The following CSF1 variants were observed in gnomAD, a reference collection of about 807,000 sequenced individuals.
The protein encoded by CSF1 is macrophage colony-stimulating factor 1.
A neutral mutation model predicts 48.9 loss-of-function variants in CSF1; 9 were observed. That is an observed-to-expected ratio of 0.18 (90% confidence interval 0.11 to 0.32). The LOEUF (loss-of-function observed/expected upper bound fraction) is 0.32, where lower values mean the gene tolerates loss of function less well. Among genes scored for constraint, CSF1 ranks in the 10% least tolerant of loss-of-function variants. The probability of loss-of-function intolerance (pLI) is 1.00; values close to 1 mark genes in which losing one functional copy is unlikely to be tolerated. For missense variants in CSF1, 672 were observed against 697.9 expected (o/e 0.96, Z 0.42); for synonymous variants, 305 against 284.1 (o/e 1.07, Z -0.74).
chr1:109,916,317 C>A (rs3093045), intron 3 of CSF1, among the ~76,000 whole-genome samples: 1 of 152,072 alleles, frequency 6.6e-6, no homozygotes, highest in African/African-American at 2.4e-5. Context: ...TAGTTCACTC[C>A]TCATCTTACC....
intron 8 of CSF1, among the ~76,000 whole-genome samples, 195 bp downstream of exon 8, chr1:109,925,397 C>T (rs1647800562): frequency 6.6e-6 from 1 of 152,150 alleles, no homozygotes; most frequent in Non-Finnish European, 1.5e-5. Context: ...CCCCCTGCCC[C>T]TCCATTCCAT....
At position 109,923,772 on chromosome 1, in the gene CSF1, C is replaced by G; in HGVS notation, c.1151C>G (p.Pro384Arg). The G allele has an allele frequency of 6.2e-7, 1 of 1,608,412 alleles. No homozygotes were observed. Among genetic ancestry groups the G allele is most frequent in the Non-Finnish European group, 8.5e-7 (1 of 1,177,194 alleles). Residue 384 changes from proline to arginine, a missense_variant, in exon 6 of 9, where the codon CCC becomes CGC. Coordinates refer to ENST00000329608, the MANE Select transcript of CSF1 (RefSeq NM_000757.6). ...ACTGGCCAGGACTGGAATCACACCC[C>G]CCAGAAGACAGACCATCCATCTGCC... ...RPTGQDWNHT[P>R]QKTDHPSALL...
Position 109,924,804 on chromosome 1 carries a change from C to A in CSF1, c.1598C>A (p.Ser533Tyr). The change falls in exon 7 of 9, where the codon TCT becomes TAT. Residue 533 changes from serine to tyrosine, a missense_variant. By Grantham distance (144) the Ser-to-Tyr change is moderately radical. Coordinates refer to ENST00000329608, the MANE Select transcript of CSF1 (RefSeq NM_000757.6). ...RSHQEPQRADSPLEQPEGSPL... is the reference protein window; with the variant it reads ...RSHQEPQRADYPLEQPEGSPL... ...CATCAAGAGCCTCAGAGAGCGGATT[C>A]TCCCTTGGAGCAACCAGAGGGCAGG... The A allele has an allele frequency of 6.2e-7, 1 of 1,603,778 alleles. No individual in the cohort carries two copies. Among genetic ancestry groups the A allele is most frequent in the Non-Finnish European group, 8.5e-7 (1 of 1,175,108 alleles).
intron 3 of CSF1, among the ~76,000 whole-genome samples, chr1:109,916,578 T>A (rs1156352608): frequency 1.3e-5 from 2 of 152,178 alleles, no homozygotes; most frequent in Non-Finnish European, 2.9e-5. Context: ...TTATTCCACA[T>A]CTATTCATCT....
At chr1:109,921,779 T>A in intron 4 of CSF1, 68 bp from the exon 5 acceptor site, 1 of 1,461,136 alleles carries the variant, frequency 6.8e-7, no homozygotes. Context: ...CAAGGGAATT[T>A]GACAAATAAG....
rs1381028261 is a variant in CSF1 at position 109,922,284 on chromosome 1, G to A, written c.544+290G>A. The A allele has an allele frequency of 9.8e-6, 3 of 306,178 alleles. No individual in the cohort carries two copies. In the East Asian group the frequency reaches 1.6e-4, roughly 16 times the overall value. The allele number at this position is 306,178 out of a possible 1,614,324, so 19.0% of individuals were successfully genotyped here. A position where few individuals can be genotyped will look rare whatever the true frequency, so the allele number is the denominator to read the frequency against. The stretch of plus-strand genomic sequence containing the variant: ...TTGAGATTAGGGAGTGGAAATGGGA[G>A]CCTGTCTTGGGAGCCCTGTAGGTAT... On this transcript the variant is annotated intron_variant, in intron 5 of 8. Coordinates refer to ENST00000329608, the MANE Select transcript of CSF1 (RefSeq NM_000757.6).
In CSF1 at chr1:109,923,523, C is replaced by T. The variant is rs1169449646; in HGVS notation, c.902C>T (p.Thr301Ile). 6.2e-7 allele frequency: 1 copy of T among 1,614,046 alleles called. No individual in the cohort carries two copies. Among genetic ancestry groups the T allele is most frequent in the Admixed American group, 1.7e-5 (1 of 60,006 alleles). The change falls in exon 6 of 9, where the codon ACT becomes ATT. Residue 301 changes from threonine (T) to isoleucine (I), a missense_variant. This residue lies in a region of CSF1 where 591 missense variants were observed against 593.6 expected (regional missense o/e 1.00). Transcript: ENST00000329608. The stretch of plus-strand genomic sequence containing the variant: ...GATATTCTTGACTCTGCAATGGGCA[C>T]TAATTGGGTCCCAGAAGAAGCCTCT... The part of the protein sequence containing the change: ...MEDILDSAMG[T>I]NWVPEEASGE...
At chr1:109,925,606 C>T (rs1042876885) in intron 8 of CSF1, among the ~76,000 whole-genome samples, 4 of 152,126 alleles carry the variant, frequency 2.6e-5, no homozygotes, top group Non-Finnish European at 4.4e-5. Flanking sequence ...CAAGCCCCTT[C>T]GACAGCAGCT....
chr1:109,914,321 G>A lies in CSF1; in HGVS notation c.102G>A (p.Glu34=). Residue 34 remains glutamate (E), a synonymous_variant, in exon 2 of 9, where the codon GAG becomes GAA. Coordinates refer to ENST00000329608, the MANE Select transcript of CSF1 (RefSeq NM_000757.6). Reference sequence around the variant, plus strand: ...TGGCGAGCAGGAGTATCACCGAGGAGGTGTCGGAGTACTGTAGCCACATGA... The same window carrying A: ...TGGCGAGCAGGAGTATCACCGAGGAAGTGTCGGAGTACTGTAGCCACATGA... ...CLLASRSITE[E]VSEYCSHMIG... 3 of 1,608,248 alleles carry A rather than the reference G, an allele frequency of 1.9e-6. No homozygotes were observed. Among genetic ancestry groups the A allele is most frequent in the Non-Finnish European group, 2.5e-6 (3 of 1,177,298 alleles).
In CSF1 at chr1:109,923,055, C is replaced by A; in HGVS notation, c.545-111C>A. 7 of 1,048,594 alleles carry A rather than the reference C, an allele frequency of 6.7e-6. No individual in the cohort carries two copies. The East Asian group carries it at 7.6e-5, about 11-fold the overall frequency. The allele number at this position is 1,048,594 out of a possible 1,614,324, so 65.0% of individuals were successfully genotyped here. A position where few individuals can be genotyped will look rare whatever the true frequency, so the allele number is the denominator to read the frequency against. The stretch of plus-strand genomic sequence containing the variant: ...CCAGGGCTGAGCTAGGAGATGAGGG[C>A]CCCCCAGACTCACATTCCCCTCTTG... On this transcript the variant is annotated intron_variant, in intron 5 of 8. Coordinates refer to ENST00000329608, the MANE Select transcript of CSF1 (RefSeq NM_000757.6).
chr1:109,922,576 T>G (rs544039098), intron 5 of CSF1: 1 of 154,152 alleles, frequency 6.5e-6, no homozygotes, highest in South Asian at 2.1e-4. Flanking sequence ...CTGCGTCTCG[T>G]GCCACACGTG....
intron 3 of CSF1, 46 bp downstream of exon 3, chr1:109,915,742 A>G (rs1472080488): frequency 2.0e-6 from 3 of 1,483,148 alleles, no homozygotes; most frequent in African/African-American, 2.8e-5. Flanking sequence ...CCTGCATGCA[A>G]CTCCCAGGGT....
intron 2 of CSF1, 49 bp from the exon 3 acceptor site, chr1:109,915,585 A>G: frequency 6.6e-7 from 1 of 1,509,416 alleles, no homozygotes; most frequent in Non-Finnish European, 9.2e-7. Flanking sequence ...CTGAAGGCTG[A>G]GTTGAGCTGT....
intron 8 of CSF1, among the ~76,000 whole-genome samples, chr1:109,925,733 G>T (rs542929607): frequency 3.3e-5 from 5 of 152,220 alleles, no homozygotes; most frequent in African/African-American, 1.2e-4. Context: ...AGGGCTCTCA[G>T]GGGTCATTTG....
intron 7 of CSF1, among the ~76,000 whole-genome samples, 155 bp downstream of exon 7, chr1:109,924,983 A>G (rs981108622): frequency 7.9e-5 from 12 of 152,002 alleles, no homozygotes; most frequent in Non-Finnish European, 1.3e-4. Flanking sequence ...CCTTTCCCAG[A>G]TATCTGGGCT....
rs748400342 is a variant in CSF1, at chr1:109,923,287, C to T, written c.666C>T (p.Thr222=). ...APSMAPVAGL[T]WEDSEGTEGS... is the part of the protein sequence containing the mutation. ...CCATGGCCCCTGTGGCTGGCTTGAC[C>T]TGGGAGGACTCTGAGGGAACTGAGG... is the stretch of plus-strand genomic sequence containing the variant. Residue 222 remains threonine, a synonymous_variant, in exon 6 of 9, where the codon ACC becomes ACT. Coordinates refer to ENST00000329608, the MANE Select transcript of CSF1 (RefSeq NM_000757.6). The T allele has an allele frequency of 1.9e-6, 3 of 1,612,636 alleles. No homozygotes were observed. The highest frequency in any genetic ancestry group is 3.3e-5 in the Admixed American group (2 of 59,830).
Position 109,910,989 on chromosome 1 carries a change from C to A in CSF1, c.-35C>A. 1.7e-6 allele frequency: 2 copies of A among 1,163,538 alleles called. No homozygotes were observed. The highest frequency in any genetic ancestry group is 1.6e-5 in the African/African-American group (1 of 61,324). The allele number at this position is 1,163,538 out of a possible 1,614,324, so 72.1% of individuals were successfully genotyped here. On this transcript the variant is annotated 5_prime_UTR_variant, in exon 1 of 9. Coordinates refer to ENST00000329608, the MANE Select transcript of CSF1 (RefSeq NM_000757.6). ...CAGCGAGCGAGCGAGCGAGCGAGGG[C>A]GGCCGACGCGCCCGGCCGGGACCCA...
In CSF1 at chr1:109,923,965, T is replaced by G. The variant is rs778192639; in HGVS notation, c.1344T>G (p.Asp448Glu). 8 of 1,614,028 alleles carry G rather than the reference T, an allele frequency of 5.0e-6. No individual in the cohort carries two copies. In the South Asian group the frequency reaches 8.8e-5, roughly 18 times the overall value. The change falls in exon 6 of 9, where the codon GAT (aspartate) becomes GAG (glutamate). Residue 448 changes from aspartate (D) to glutamate (E), a missense_variant. Asp to Glu is a conservative substitution (Grantham distance 45). Transcript: ENST00000329608. The stretch of plus-strand genomic sequence containing the variant: ...TGGAGGGCAGGAGGAGCACCAGGGA[T>G]CGGAGGAGCCCCGCAGAGCCAGAAG... The part of the protein sequence containing the change: ...GELEGRRSTR[D>E]RRSPAEPEGG...
In CSF1 at chr1:109,923,723, C is replaced by G. The variant is rs1187588113; in HGVS notation, c.1102C>G (p.Pro368Ala). 1 of 1,612,264 alleles carries G rather than the reference C, an allele frequency of 6.2e-7. No individual in the cohort carries two copies. The highest frequency in any genetic ancestry group is 8.5e-7 in the Non-Finnish European group (1 of 1,179,014). ...QPADVTGTAL[P>A]RVGPVRPTGQ... is the part of the protein sequence containing the mutation. ...GGCAGATGTAACTGGTACCGCCTTG[C>G]CCAGGGTGGGCCCCGTGAGGCCCAC... The change falls in exon 6 of 9, where the codon CCC (proline) becomes GCC (alanine). Residue 368 changes from proline (P) to alanine (A), a missense_variant. Coordinates refer to ENST00000329608, the MANE Select transcript of CSF1 (RefSeq NM_000757.6).
Sources: gnomAD v4.1 joint callset for allele counts (sites outside exome capture counted in the v4.1 genomes callset) on GRCh38, gnomAD v4.1.1 for gene constraint, gnomAD v4.1.1 regional missense constraint, MANE v1.5 for transcripts, NCBI Gene and HGNC (gene_info 2026-07-23, HGNC 2026-07-21) for gene names.